Variants in RAP1B observed in about 807,000 individuals in gnomAD.
RAP1B encodes the protein ras-related protein Rap-1b.
In RAP1B, 1 loss-of-function variant was observed where a neutral mutation model predicts 27.5. The observed-to-expected ratio is 0.04, with a 90% CI of 0.01 to 0.17. RAP1B has a LOEUF of 0.17. RAP1B is among the 10% of genes least tolerant of loss of function. The probability of loss-of-function intolerance (pLI) is 1.00; values close to 1 mark genes in which losing one functional copy is unlikely to be tolerated. For missense variants in RAP1B, 84 were observed against 214.8 expected (o/e 0.39, Z 3.81); for synonymous variants, 75 against 73.1 (o/e 1.03, Z -0.13).
At chr12:68,644,686 C>CTTTTTTT (rs535569981) in intron 1 of RAP1B, among the ~76,000 whole-genome samples, 1 of 109,116 alleles carries the variant, frequency 9.2e-6, no homozygotes, top group Non-Finnish European at 1.8e-5. Flanking sequence ...TTAAAAGTTA[C>CTTTTTTT]TTTTTTTTTT....
chr12:68,630,188 T>TC (rs1232673620), intron 1 of RAP1B, among the ~76,000 whole-genome samples: 1 of 152,196 alleles, frequency 6.6e-6, no homozygotes, highest in African/African-American at 2.4e-5. Flanking sequence ...GCAAGGTCTA[T>TC]CCTTGTCTCT....
At chr12:68,658,329 T>A (rs1874373823) in intron 7 of RAP1B, among the ~76,000 whole-genome samples, 1 of 152,226 alleles carries the variant, frequency 6.6e-6, no homozygotes, top group Admixed American at 6.5e-5. Flanking sequence ...GCAGCACACA[T>A]GTGCTTGAGC....
At chr12:68,657,757 CA>C (rs1471304724) in intron 7 of RAP1B, 3 of 152,306 alleles carry the variant, frequency 2.0e-5, no homozygotes, top group African/African-American at 9.1e-5. Context: ...CACACACACA[CA>C]CACACACACA....
chr12:68,610,974 C>A lies in RAP1B; in HGVS notation c.-96C>A. On this transcript the variant is annotated 5_prime_UTR_variant, in exon 1 of 8. Transcript: ENST00000250559. The stretch of plus-strand genomic sequence containing the variant: ...CGCGGCAGCGGCAGGACCGCCGTGG[C>A]GCCTAGAGTAGCGACCCGGGGGGAG... The A allele has an allele frequency of 6.3e-6, 2 of 316,528 alleles. No homozygotes were observed. The allele number at this position is 316,528 out of a possible 1,614,324, so 19.6% of individuals were successfully genotyped here. A position where few individuals can be genotyped will look rare whatever the true frequency, so the allele number is the denominator to read the frequency against.
chr12:68,628,379 G>A (rs1034788381), intron 1 of RAP1B, among the ~76,000 whole-genome samples: 1 of 152,134 alleles, frequency 6.6e-6, no homozygotes, highest in African/African-American at 2.4e-5. Context: ...ATACGGTTTC[G>A]GGTGTTTGTG....
intron 1 of RAP1B, among the ~76,000 whole-genome samples, chr12:68,612,377 A>G (rs889802530): frequency 1.3e-5 from 2 of 152,066 alleles, no homozygotes; most frequent in Non-Finnish European, 2.9e-5. Flanking sequence ...TTAAAAGCTG[A>G]CTCTTGAAAT....
rs1874799066 is a variant in RAP1B at position 68,665,204 on chromosome 12, TA to T, written c.*5956del. On this transcript the variant is annotated 3_prime_UTR_variant, in exon 8 of 8. Coordinates refer to ENST00000250559, the MANE Select transcript of RAP1B (RefSeq NM_001010942.3). ...CAGCAGGTAGTTATGGGGAGACCTC[TA>T]CTGTTCTAAATGAGACTAATAGTAA... 2.6e-5 allele frequency: 4 copies of T among 152,250 alleles called. No homozygotes were observed. The allele number at this position is 152,250 out of a possible 1,614,324, so 9.4% of individuals were successfully genotyped here.
At chr12:68,656,703 C>G (rs1040529739) in intron 6 of RAP1B, 38 of 554,712 alleles carry the variant, frequency 6.9e-5, no homozygotes, top group African/African-American at 6.6e-4. Flanking sequence ...ATAGGGAAGA[C>G]AGATTAAGAC....
chr12:68,645,969 A>G (rs1368864682), intron 1 of RAP1B, among the ~76,000 whole-genome samples: 1 of 152,200 alleles, frequency 6.6e-6, no homozygotes, highest in Non-Finnish European at 1.5e-5. Flanking sequence ...TAATAAATAA[A>G]AGGAGCAAGT....
rs1372065229 is a variant in RAP1B at position 68,657,179 on chromosome 12, C to T, written c.547C>T (p.Leu183=). 1 of 1,608,652 alleles carries T rather than the reference C, an allele frequency of 6.2e-7. No homozygotes were observed. The highest frequency in any genetic ancestry group is 1.3e-5 in the African/African-American group (1 of 74,774). Residue 183 remains leucine, a synonymous_variant, in exon 7 of 8, where the codon CTG becomes TTG. Coordinates refer to ENST00000250559, the MANE Select transcript of RAP1B (RefSeq NM_001010942.3). The stretch of plus-strand genomic sequence containing the variant: ...GGCTCGCAAAAAGTCATCATGTCAG[C>T]TGCTTTAATATACTAAATGCATTGT... ...GKARKKSSCQ[L]L
chr12:68,669,747 C>G lies in RAP1B; in HGVS notation c.*10498C>G, dbSNP rs1277375532. ...ACCCAGGAGGCAGAGGGTGCAGTAG[C>G]TGAGATTGTACCACTGCACTCCAGC... On this transcript the variant is annotated 3_prime_UTR_variant, in exon 8 of 8. Transcript: ENST00000250559. 1.3e-5 allele frequency: 2 copies of G among 151,952 alleles called. No individual in the cohort carries two copies. The highest frequency in any genetic ancestry group is 2.9e-5 in the Non-Finnish European group (2 of 68,054). The allele number at this position is 151,952 out of a possible 1,614,324, so 9.4% of individuals were successfully genotyped here. A position where few individuals can be genotyped will look rare whatever the true frequency, so the allele number is the denominator to read the frequency against.
At chr12:68,654,055 G>A (rs1874019725) in intron 4 of RAP1B, 57 bp from the exon 5 acceptor site, 9 of 1,442,456 alleles carry the variant, frequency 6.2e-6, no homozygotes, top group African/African-American at 1.4e-5. Context: ...TGTGAAAATT[G>A]TAAAAATAAC....
intron 1 of RAP1B, chr12:68,642,632 T>G: frequency 9.5e-7 from 1 of 1,049,442 alleles, no homozygotes; most frequent in Non-Finnish European, 1.5e-6. Flanking sequence ...AATTAAGTTC[T>G]TCATCTTCTC....
chr12:68,662,146 G>A lies in RAP1B; in HGVS notation c.*2897G>A, dbSNP rs1434277827. The A allele has an allele frequency of 1.3e-5, 2 of 150,506 alleles. No homozygotes were observed. The highest frequency in any genetic ancestry group is 3.9e-4 in the East Asian group (2 of 5,170). The allele number at this position is 150,506 out of a possible 1,614,324, so 9.3% of individuals were successfully genotyped here. On this transcript the variant is annotated 3_prime_UTR_variant, in exon 8 of 8. Transcript: ENST00000250559. The stretch of plus-strand genomic sequence containing the variant: ...TCAATGCTGATAGGAATAAGGCTGT[G>A]GTTTGGCAAAAAGCACCATTTTCTC...
intron 1 of RAP1B, chr12:68,627,048 T>C: frequency 6.3e-7 from 1 of 1,593,150 alleles, no homozygotes; most frequent in Non-Finnish European, 8.5e-7. Context: ...AAACTTGAAC[T>C]TGGCCCTGCG....
In RAP1B at chr12:68,610,951, C is replaced by T; in HGVS notation, c.-119C>T. 2 of 310,820 alleles carry T rather than the reference C, an allele frequency of 6.4e-6. No homozygotes were observed. The highest frequency in any genetic ancestry group is 9.1e-4 in the Middle Eastern group (1 of 1,100). 19.3% of individuals were successfully genotyped at this position (310,820 alleles called of 1,614,324 possible). On this transcript the variant is annotated 5_prime_UTR_variant, in exon 1 of 8. Coordinates refer to ENST00000250559, the MANE Select transcript of RAP1B (RefSeq NM_001010942.3). Reference sequence around the variant, plus strand: ...GGCGTGTAAACCAGCCGGAGCGGCGCGGCAGCGGCAGGACCGCCGTGGCGC... The same window carrying T: ...GGCGTGTAAACCAGCCGGAGCGGCGTGGCAGCGGCAGGACCGCCGTGGCGC...
chr12:68,637,185 T>C (rs934215674), intron 1 of RAP1B, among the ~76,000 whole-genome samples: 1 of 152,206 alleles, frequency 6.6e-6, no homozygotes, highest in Non-Finnish European at 1.5e-5. Flanking sequence ...AGTACTACCC[T>C]GCAGCTGCTT....
chr12:68,622,016 G>C (rs1871419320), intron 1 of RAP1B, among the ~76,000 whole-genome samples: 1 of 152,116 alleles, frequency 6.6e-6, no homozygotes, highest in Non-Finnish European at 1.5e-5. Flanking sequence ...GTTTTAAGTA[G>C]TTAGACCTTT....
intron 1 of RAP1B, among the ~76,000 whole-genome samples, chr12:68,641,616 G>GT (rs1448997912): frequency 6.6e-6 from 1 of 152,078 alleles, no homozygotes; most frequent in Non-Finnish European, 1.5e-5. Context: ...CATCAATCAG[G>GT]TTAGTTGCAG....
Sources: gnomAD v4.1 joint callset for allele counts (sites outside exome capture counted in the v4.1 genomes callset) on GRCh38, gnomAD v4.1.1 for gene constraint, MANE v1.5 for transcripts, NCBI Gene and HGNC (gene_info 2026-07-23, HGNC 2026-07-21) for gene names.